Variants in FGF2 observed in about 807,000 individuals in gnomAD.
The protein encoded by FGF2 is basic fibroblast growth factor bFGF.
FGF2 carries 13 observed loss-of-function variants against 15.9 expected under a neutral mutation model. The ratio of observed to expected loss-of-function variants is 0.82; its 90% CI spans 0.53 to 1.30. FGF2 has a LOEUF of 1.30. Among genes scored for constraint, FGF2 ranks in the 50% most tolerant of loss-of-function variants. FGF2 has a pLI of 0.00. For missense variants in FGF2, 163 were observed against 196.9 expected (o/e 0.83, Z 1.03); for synonymous variants, 90 against 78.4 (o/e 1.15, Z -0.78).
intron 1 of FGF2, among the ~76,000 whole-genome samples, chr4:122,856,219 T>C (rs1302494096): frequency 6.6e-6 from 1 of 152,186 alleles, no homozygotes. Context: ...TGTGTTATAT[T>C]GTGTTCAAGA....
At chr4:122,837,475 A>T (rs1482519217) in intron 1 of FGF2, among the ~76,000 whole-genome samples, 1 of 152,198 alleles carries the variant, frequency 6.6e-6, no homozygotes, top group East Asian at 1.9e-4. Flanking sequence ...TAATCTTTCT[A>T]CTGCCTGCTA....
At position 122,897,651 on chromosome 4, in the gene FGF2, C is replaced by G. The variant is rs1727403759; in HGVS notation, c.*5255C>G. On this transcript the variant is annotated 3_prime_UTR_variant, in exon 3 of 3. Transcript: ENST00000644866. ...ATATCTTCTTCAGGCTCTGACAGGC[C>G]TCCTGGAAACTTCCACATATTTTTC... The G allele has an allele frequency of 6.2e-7, 1 of 1,610,114 alleles. No individual in the cohort carries two copies. Among genetic ancestry groups the G allele is most frequent in the South Asian group, 1.1e-5 (1 of 91,002 alleles).
chr4:122,826,815 C>T, upstream of FGF2: 1 of 1,453,130 alleles, frequency 6.9e-7, no homozygotes, highest in Non-Finnish European at 9.1e-7. Flanking sequence ...AGATGTGACG[C>T]CGCGGCCCGG....
At chr4:122,865,399 T>C (rs1467012648) in intron 1 of FGF2, among the ~76,000 whole-genome samples, 1 of 152,190 alleles carries the variant, frequency 6.6e-6, no homozygotes. Context: ...CAAGCAATTC[T>C]TGTGCCTCAG....
At chr4:122,857,766 T>A (rs1460937197) in intron 1 of FGF2, among the ~76,000 whole-genome samples, 1 of 152,238 alleles carries the variant, frequency 6.6e-6, no homozygotes, top group Non-Finnish European at 1.5e-5. Context: ...ATCTTTAAAT[T>A]TTTTAAATTA....
intron 2 of FGF2, among the ~76,000 whole-genome samples, chr4:122,876,767 T>G (rs1726857325): frequency 6.6e-6 from 1 of 152,210 alleles, no homozygotes; most frequent in Non-Finnish European, 1.5e-5. Flanking sequence ...TGGGAATAAA[T>G]GTATACAATT....
chr4:122,852,136 A>T (rs1270700696), intron 1 of FGF2, among the ~76,000 whole-genome samples: 1 of 152,174 alleles, frequency 6.6e-6, no homozygotes, highest in Non-Finnish European at 1.5e-5. Flanking sequence ...GTGTGGTCTA[A>T]AATAGTGATT....
At chr4:122,887,487 G>A (rs78293823) in intron 2 of FGF2, among the ~76,000 whole-genome samples, 1,585 of 152,236 alleles carry the variant, frequency 0.01, 12 homozygotes, top group Non-Finnish European at 0.016. Context: ...CCTGGGATCA[G>A]TTTTTCATTA....
intron 2 of FGF2, chr4:122,888,963 GA>G (rs1180795630): frequency 7.9e-5 from 12 of 151,954 alleles, no homozygotes; most frequent in Non-Finnish European, 1.3e-4. Context: ...ATGCCTAGAA[GA>G]AAAAAATATA....
intron 1 of FGF2, among the ~76,000 whole-genome samples, chr4:122,837,737 C>T (rs1261711114): frequency 1.3e-5 from 2 of 151,932 alleles, no homozygotes; most frequent in African/African-American, 4.8e-5. Flanking sequence ...AAAAAGGTCC[C>T]TTTGATTTTG....
In FGF2 at chr4:122,826,937, C is replaced by T. The variant is rs761361683; in HGVS notation, c.-238C>T. The T allele has an allele frequency of 1.2e-5, 17 of 1,430,486 alleles. No individual in the cohort carries two copies. The South Asian group carries it at 2.3e-4, about 19-fold the overall frequency. The allele number at this position is 1,430,486 out of a possible 1,614,324, so 88.6% of individuals were successfully genotyped here. A position where few individuals can be genotyped will look rare whatever the true frequency, so the allele number is the denominator to read the frequency against. The stretch of plus-strand genomic sequence containing the variant: ...GTCCGCGGAGACACCCATCCGTGAA[C>T]CCCAGGTCCCGGGCCGCCGGCTCGC... On this transcript the variant is annotated 5_prime_UTR_variant, in exon 1 of 3. Transcript: ENST00000644866.
At chr4:122,839,963 C>T (rs1008654127) in intron 1 of FGF2, among the ~76,000 whole-genome samples, 2 of 152,218 alleles carry the variant, frequency 1.3e-5, no homozygotes, top group African/African-American at 4.8e-5. Context: ...GATGGCCACT[C>T]TCTAGCTGCC....
At chr4:122,888,979 TTGAA>T (rs533679554) in intron 2 of FGF2, 50 of 152,122 alleles carry the variant, frequency 3.3e-4, no homozygotes, top group Non-Finnish European at 6.6e-4. Context: ...AATATATAGA[TTGAA>T]TGAGTAAGTG....
chr4:122,865,162 TTATC>T (rs1279772989), intron 1 of FGF2, among the ~76,000 whole-genome samples: 1 of 152,248 alleles, frequency 6.6e-6, no homozygotes, highest in African/African-American at 2.4e-5. Flanking sequence ...TATGTTTTGT[TTATC>T]TAATACAAAT....
Position 122,876,431 on chromosome 4 carries a change from A to G in FGF2, c.282+7A>G, listed in dbSNP as rs1006231666. 5.1e-6 allele frequency: 8 copies of G among 1,564,418 alleles called. No homozygotes were observed. Among genetic ancestry groups the G allele is most frequent in the Non-Finnish European group, 7.0e-6 (8 of 1,134,838 alleles). On this transcript the variant is annotated splice_region_variant and intron_variant, in intron 2 of 2. Transcript: ENST00000644866. ...TGGAAGATTACTGGCTTCTGTAAGC[A>G]TACTTTCTGTTTTCACACGTTTTTT...
At chr4:122,869,938 C>G (rs1045168932) in intron 1 of FGF2, among the ~76,000 whole-genome samples, 1 of 152,154 alleles carries the variant, frequency 6.6e-6, no homozygotes, top group African/African-American at 2.4e-5. Context: ...ATGCTTCCAG[C>G]TTTTGCCCAT....
At chr4:122,876,457 G>A (rs1726848398) in intron 2 of FGF2, 33 bp downstream of exon 2, 4 of 1,352,310 alleles carry the variant, frequency 3.0e-6, no homozygotes, top group Non-Finnish European at 4.2e-6. Flanking sequence ...CACGTTTTTT[G>A]TTAGCTTTTA....
intron 1 of FGF2, among the ~76,000 whole-genome samples, chr4:122,856,812 C>T (rs75530242): frequency 0.024 from 3,631 of 152,242 alleles, 145 homozygotes; most frequent in African/African-American, 0.083. Flanking sequence ...TCCATCATCA[C>T]GGTGATTCCT....
chr4:122,828,124 C>T (rs1024684607), intron 1 of FGF2, among the ~76,000 whole-genome samples: 1 of 152,150 alleles, frequency 6.6e-6, no homozygotes, highest in Non-Finnish European at 1.5e-5. Flanking sequence ...ATGAGAATTG[C>T]AGTTTTGCTT....
Sources: gnomAD v4.1 joint callset for allele counts (sites outside exome capture counted in the v4.1 genomes callset) on GRCh38, gnomAD v4.1.1 for gene constraint, MANE v1.5 for transcripts, NCBI Gene and HGNC (gene_info 2026-07-23, HGNC 2026-07-21) for gene names.